Variants in SORCS1 observed in about 807,000 individuals in gnomAD.
SORCS1 encodes the protein sortilin related VPS10 domain containing receptor 1.
In SORCS1, 60 loss-of-function variants were observed where a neutral mutation model predicts 146.1. That is an observed-to-expected ratio of 0.41 (90% CI 0.33 to 0.51). The LOEUF (loss-of-function observed/expected upper bound fraction) is 0.51. Ranked by LOEUF, SORCS1 falls within the 20% of genes least tolerant of loss-of-function variation. The pLI is 0.21. For missense variants in SORCS1, 1,352 were observed against 1,487.6 expected (o/e 0.91, Z 1.50); for synonymous variants, 637 against 584.0 (o/e 1.09, Z -1.31).
intron 25 of SORCS1, chr10:106,578,626 C>T: frequency 4.0e-6 from 4 of 989,156 alleles, no homozygotes; most frequent in Non-Finnish European, 4.8e-6. Context: ...TGTCACTTCT[C>T]TACTGGTGTT....
intron 1 of SORCS1, among the ~76,000 whole-genome samples, chr10:106,958,491 C>G (rs822093): frequency 6.6e-6 from 1 of 152,146 alleles, no homozygotes; most frequent in African/African-American, 2.4e-5. Context: ...TCAGTGAACA[C>G]ATTCTTAACT....
At chr10:106,718,385 C>A (rs1007347263) in intron 6 of SORCS1, among the ~76,000 whole-genome samples, 1 of 152,100 alleles carries the variant, frequency 6.6e-6, no homozygotes, top group Non-Finnish European at 1.5e-5. Flanking sequence ...AGCTGCAGAC[C>A]CTCACGGTGA....
Position 106,948,557 on chromosome 10 carries a change from C to T in SORCS1, c.626+7956G>A, listed in dbSNP as rs1564842134. Among the ~76,000 whole-genome samples the T allele has an allele frequency of 2.0e-5, 3 of 151,892 alleles. No individual in the cohort carries two copies. In the South Asian group the frequency reaches 6.2e-4, roughly 32 times the overall value. ...GGCACAGTGGTGTGTACCTGTAGTA[C>T]CAGTTACTTGGGAGGCTGAGGCTGG... On this transcript the variant is annotated intron_variant, in intron 2 of 25. Transcript: ENST00000263054.
chr10:107,022,069 T>G (rs1958174801), intron 1 of SORCS1, among the ~76,000 whole-genome samples: 1 of 152,166 alleles, frequency 6.6e-6, no homozygotes, highest in Non-Finnish European at 1.5e-5. Flanking sequence ...TTGATGAAAT[T>G]TTAACGGCCC....
intron 1 of SORCS1, among the ~76,000 whole-genome samples, chr10:106,997,943 G>A (rs1410419017): frequency 2.6e-5 from 4 of 152,168 alleles, no homozygotes; most frequent in Non-Finnish European, 5.9e-5. Flanking sequence ...GAAGGACTTT[G>A]CATTCGTGAC....
chr10:107,107,139 G>A (rs1965364392), intron 1 of SORCS1, among the ~76,000 whole-genome samples: 1 of 152,172 alleles, frequency 6.6e-6, no homozygotes, highest in Non-Finnish European at 1.5e-5. Flanking sequence ...TTGAAACTGG[G>A]CAATGGGTAG....
intron 1 of SORCS1, among the ~76,000 whole-genome samples, chr10:107,031,599 CTCTTT>C (rs1958659933): frequency 6.7e-6 from 1 of 149,074 alleles, no homozygotes; most frequent in African/African-American, 2.6e-5. Flanking sequence ...ATTTGTATCT[CTCTTT>C]TTTTTTTTTG....
At chr10:107,170,620 A>G in the SORCS1 span, among the ~76,000 whole-genome samples, 2 of 152,208 alleles carry the variant, frequency 1.3e-5, no homozygotes, top group Admixed American at 6.5e-5. Context: ...GGTCTTTGGG[A>G]CCTCTCACTC....
chr10:107,176,520 A>G, the SORCS1 span, among the ~76,000 whole-genome samples: 3 of 151,836 alleles, frequency 2.0e-5, no homozygotes, highest in Admixed American at 2.0e-4. Flanking sequence ...CAGTTTTTGT[A>G]GAGACGGGGC....
At chr10:106,724,391 C>T (rs1856004086) in intron 6 of SORCS1, among the ~76,000 whole-genome samples, 1 of 151,894 alleles carries the variant, frequency 6.6e-6, no homozygotes. Flanking sequence ...CCTGTAATCC[C>T]AGCTACTCAG....
At chr10:107,177,453 A>G in the SORCS1 span, among the ~76,000 whole-genome samples, 4,300 of 152,306 alleles carry the variant, frequency 0.028, 180 homozygotes, top group African/African-American at 0.096. Context: ...TCATCACCGC[A>G]AAGATCTTTA....
chr10:106,823,200 C>T (rs189917676), intron 3 of SORCS1, among the ~76,000 whole-genome samples: 6 of 152,230 alleles, frequency 3.9e-5, no homozygotes, highest in South Asian at 4.2e-4. Flanking sequence ...GTTGCTTGTC[C>T]GCCAAGGGAA....
At chr10:106,889,322 A>G (rs890732169) in intron 2 of SORCS1, among the ~76,000 whole-genome samples, 2 of 152,130 alleles carry the variant, frequency 1.3e-5, no homozygotes, top group Non-Finnish European at 2.9e-5. Context: ...ACAGACAGCA[A>G]TTGTAGGGCC....
chr10:106,596,489 G>A (rs1412870830), intron 24 of SORCS1, among the ~76,000 whole-genome samples: 1 of 152,108 alleles, frequency 6.6e-6, no homozygotes, highest in East Asian at 1.9e-4. Flanking sequence ...TAAGTTACTT[G>A]TATTATTATT....
intron 2 of SORCS1, among the ~76,000 whole-genome samples, chr10:106,884,488 A>G: frequency 6.6e-6 from 1 of 152,068 alleles, no homozygotes; most frequent in East Asian, 1.9e-4. Context: ...ATTCCCATTA[A>G]TAATATGTGC....
At chr10:106,590,390 T>C (rs1270766967) in intron 24 of SORCS1, among the ~76,000 whole-genome samples, 1 of 152,084 alleles carries the variant, frequency 6.6e-6, no homozygotes, top group Admixed American at 6.6e-5. Context: ...TGATAAACTA[T>C]AGGTTTAAAG....
chr10:106,991,081 G>A (rs1425296848), intron 1 of SORCS1, among the ~76,000 whole-genome samples: 1 of 152,114 alleles, frequency 6.6e-6, no homozygotes, highest in African/African-American at 2.4e-5. Flanking sequence ...TAACTAATCT[G>A]ACTTATGCTT....
At position 106,582,171 on chromosome 10, in the gene SORCS1, C is replaced by T. The variant is rs143726903; in HGVS notation, c.3266-2697G>A. ...CACACACACACACATGAACCTTTTC[C>T]CTTCTCTTTCCTTCCTCCTATCTCT... On this transcript the variant is annotated intron_variant, in intron 24 of 25. Coordinates refer to ENST00000263054, the MANE Select transcript of SORCS1 (RefSeq NM_052918.5). Among the ~76,000 whole-genome samples the T allele has an allele frequency of 2.0e-3, 303 of 152,008 alleles. 1 individual carries two copies. The highest frequency in any genetic ancestry group is 6.2e-3 in the African/African-American group (259 of 41,480).
chr10:106,924,270 A>AAAAAAAAAT (rs60551348), intron 2 of SORCS1, among the ~76,000 whole-genome samples: 1 of 147,478 alleles, frequency 6.8e-6, no homozygotes, highest in Non-Finnish European at 1.5e-5. Context: ...AAAAAAAAAA[A>AAAAAAAAAT]CTACCTTTTA....
Sources: gnomAD v4.1 joint callset for allele counts (sites outside exome capture counted in the v4.1 genomes callset) on GRCh38, gnomAD v4.1.1 for gene constraint, MANE v1.5 for transcripts, NCBI Gene and HGNC (gene_info 2026-07-23, HGNC 2026-07-21) for gene names.